Variants in STK32B observed in about 807,000 individuals in gnomAD.
STK32B encodes the protein serine/threonine-protein kinase 32B.
A neutral mutation model predicts 52.6 loss-of-function variants in STK32B; 43 were observed. That is an observed-to-expected ratio of 0.82 (90% CI 0.64 to 1.05). STK32B has a LOEUF of 1.05. Among genes scored for constraint, STK32B ranks in the 50% least tolerant of loss-of-function variants. The pLI is 0.00. For missense variants in STK32B, 621 were observed against 534.6 expected (o/e 1.16, Z -1.59); for synonymous variants, 238 against 204.3 (o/e 1.17, Z -1.41).
intron 3 of STK32B, among the ~76,000 whole-genome samples, chr4:5,208,354 A>AC (rs1349634347): frequency 6.6e-6 from 1 of 152,210 alleles, no homozygotes; most frequent in Non-Finnish European, 1.5e-5. Flanking sequence ...TGATCATCAA[A>AC]CACTGGTGCT....
intron 4 of STK32B, among the ~76,000 whole-genome samples, chr4:5,338,947 G>A: frequency 6.6e-6 from 1 of 152,192 alleles, no homozygotes; most frequent in East Asian, 1.9e-4. Context: ...GAGGAGATCA[G>A]CATTTGAATA....
intron 2 of STK32B, among the ~76,000 whole-genome samples, chr4:5,166,763 C>G (rs947934646): frequency 6.6e-6 from 1 of 152,008 alleles, no homozygotes; most frequent in African/African-American, 2.4e-5. Flanking sequence ...TTTAAATCCC[C>G]CAGTTTGAGG....
At chr4:5,468,715 G>C (rs961846542) in intron 11 of STK32B, among the ~76,000 whole-genome samples, 16 of 152,180 alleles carry the variant, frequency 1.1e-4, no homozygotes, top group African/African-American at 3.6e-4. Flanking sequence ...TGCCCTCTAA[G>C]GGGCTGGTCA....
At chr4:5,049,636 T>C (rs1356923916), upstream of STK32B, among the ~76,000 whole-genome samples, 2 of 152,176 alleles carry the variant, frequency 1.3e-5, no homozygotes, top group Admixed American at 1.3e-4. Flanking sequence ...GAACAGGCCA[T>C]TTTCACTTCT....
chr4:5,164,552 T>C (rs1403681122), intron 2 of STK32B, among the ~76,000 whole-genome samples: 1 of 152,230 alleles, frequency 6.6e-6, no homozygotes, highest in Non-Finnish European at 1.5e-5. Context: ...AACAAAGATT[T>C]ATTTCTCCCA....
At chr4:5,144,697 T>TC (rs1716767166) in intron 2 of STK32B, among the ~76,000 whole-genome samples, 1 of 152,198 alleles carries the variant, frequency 6.6e-6, no homozygotes, top group Non-Finnish European at 1.5e-5. Flanking sequence ...TTTCTCTAAG[T>TC]CTGTGTCTTG....
intron 3 of STK32B, among the ~76,000 whole-genome samples, chr4:5,321,010 T>C (rs1731450863): frequency 6.6e-6 from 1 of 151,860 alleles, no homozygotes; most frequent in South Asian, 2.1e-4. Context: ...CTCAGAAGAG[T>C]ATGCACTGTG....
At chr4:5,446,921 T>G in intron 7 of STK32B, 145 bp downstream of exon 7, 4 of 687,004 alleles carry the variant, frequency 5.8e-6, no homozygotes, top group Non-Finnish European at 7.4e-6. Context: ...TCCTGATGCC[T>G]GTGTGCCGCC....
At chr4:5,110,807 T>C (rs755505666) in intron 1 of STK32B, among the ~76,000 whole-genome samples, 3 of 151,746 alleles carry the variant, frequency 2.0e-5, no homozygotes, top group Non-Finnish European at 4.4e-5. Flanking sequence ...AAAGAAATAA[T>C]CAACAGAATA....
Position 5,075,818 on chromosome 4 carries a change from C to T in STK32B, c.52+23903C>T, listed in dbSNP as rs1043408532. 2.0e-5 allele frequency among the ~76,000 whole-genome samples: 3 copies of T among 152,042 alleles called. 1 individual carries two copies. In the South Asian group the frequency reaches 6.2e-4, roughly 32 times the overall value. On this transcript the variant is annotated intron_variant, in intron 1 of 11. Transcript: ENST00000282908. ...CTTAACAATGTCATATAAATATTCT[C>T]CTGTTCTTTCAATAAATATGTATTA...
intron 4 of STK32B, among the ~76,000 whole-genome samples, chr4:5,348,981 G>A (rs767287288): frequency 1.4e-4 from 22 of 152,078 alleles, no homozygotes; most frequent in Admixed American, 5.9e-4. Flanking sequence ...TAGGTCTGAG[G>A]GCTGGCCTGC....
At chr4:5,040,943 G>A in the STK32B span, among the ~76,000 whole-genome samples, 1 of 152,190 alleles carries the variant, frequency 6.6e-6, no homozygotes, top group Non-Finnish European at 1.5e-5. Context: ...ACACAGAAAA[G>A]GTGCAGAAAA....
chr4:5,420,776 A>C (rs1712561052), intron 6 of STK32B, among the ~76,000 whole-genome samples: 1 of 152,184 alleles, frequency 6.6e-6, no homozygotes, highest in Non-Finnish European at 1.5e-5. Flanking sequence ...TCCCATTAGA[A>C]GCCTCCTCTG....
chr4:5,215,891 T>G (rs1014676480), intron 3 of STK32B, among the ~76,000 whole-genome samples: 1 of 152,160 alleles, frequency 6.6e-6, no homozygotes, highest in Non-Finnish European at 1.5e-5. Flanking sequence ...CCTCCACAAT[T>G]AGGTGCCTGT....
rs1718590440 is a variant in STK32B at position 5,163,307 on chromosome 4, C to T, written c.109-4992C>T. Among the ~76,000 whole-genome samples, 4 of 152,266 alleles carry T rather than the reference C, an allele frequency of 2.6e-5. No individual in the cohort carries two copies. In the South Asian group the frequency reaches 8.3e-4, roughly 32 times the overall value. ...TGCAGGGTGCTTGGAGTCTGACTGCCAGATAAAAACGGGGATTTATAATAC... is the reference window on the plus strand; with the variant it reads ...TGCAGGGTGCTTGGAGTCTGACTGCTAGATAAAAACGGGGATTTATAATAC... On this transcript the variant is annotated intron_variant, in intron 2 of 11. Coordinates refer to ENST00000282908, the MANE Select transcript of STK32B (RefSeq NM_018401.3).
At position 5,380,619 on chromosome 4, in the gene STK32B, T is replaced by C. The variant is rs1043107162; in HGVS notation, c.435-17588T>C. 6.6e-6 allele frequency among the ~76,000 whole-genome samples: 1 copy of C among 152,166 alleles called. No homozygotes were observed. Among genetic ancestry groups the C allele is most frequent in the Admixed American group, 6.5e-5 (1 of 15,284 alleles). On this transcript the variant is annotated intron_variant, in intron 4 of 11. Transcript: ENST00000282908. The surrounding 1 kb of genome is among the most constrained non-coding windows in gnomAD (Gnocchi z 4.3). ...GAGTACCCATGACACGCAGATGCCT[T>C]TACCAGGGTGGCTGGTGGCACAAGG...
chr4:5,398,863 G>A lies in STK32B; in HGVS notation c.472+619G>A, dbSNP rs1016669585. On this transcript the variant is annotated intron_variant, in intron 5 of 11. Coordinates refer to ENST00000282908, the MANE Select transcript of STK32B (RefSeq NM_018401.3). The surrounding 1 kb of genome is among the most constrained non-coding windows in gnomAD (Gnocchi z 4.9). ...TCTGCAAAGCTCCCAGGTGGCTGAT[G>A]CTGCTGGTCCATGGACCACACCTTG... is the stretch of plus-strand genomic sequence containing the variant. Among the ~76,000 whole-genome samples the A allele has an allele frequency of 2.0e-5, 3 of 147,054 alleles. No individual in the cohort carries two copies. The highest frequency in any genetic ancestry group is 2.0e-4 in the Admixed American group (3 of 15,106).
At chr4:5,222,385 A>C (rs115353081) in intron 3 of STK32B, among the ~76,000 whole-genome samples, 1,706 of 152,292 alleles carry the variant, frequency 0.011, 27 homozygotes, top group African/African-American at 0.038. Context: ...GGGCAATTCT[A>C]GGGAGGGCTC....
chr4:5,142,651 T>G (rs1716563748), intron 2 of STK32B, among the ~76,000 whole-genome samples: 1 of 152,232 alleles, frequency 6.6e-6, no homozygotes, highest in African/African-American at 2.4e-5. Flanking sequence ...TGACATGACT[T>G]GGAACTTGTT....
Sources: gnomAD v4.1 joint callset for allele counts (sites outside exome capture counted in the v4.1 genomes callset) on GRCh38, gnomAD v4.1.1 for gene constraint, Gnocchi (gnomAD v3.1) non-coding constraint, MANE v1.5 for transcripts, NCBI Gene and HGNC (gene_info 2026-07-23, HGNC 2026-07-21) for gene names.